The following ACSBG1 variants were observed in gnomAD, a reference collection of about 807,000 sequenced individuals.
The protein encoded by ACSBG1 is long-chain-fatty-acid--CoA ligase ACSBG1.
Under a neutral mutation model 80.2 loss-of-function variants are expected in ACSBG1, and 39 were observed. The ratio of observed to expected loss-of-function variants is 0.49; its 90% CI spans 0.38 to 0.64. The LOEUF is 0.64. Ranked by LOEUF, ACSBG1 falls within the 30% of genes least tolerant of loss-of-function variation. The probability of loss-of-function intolerance (pLI) is 0.00; values close to 1 mark genes in which losing one functional copy is unlikely to be tolerated. For missense variants in ACSBG1, 828 were observed against 966.4 expected (o/e 0.86, Z 1.90); for synonymous variants, 392 against 379.5 (o/e 1.03, Z -0.38).
chr15:78,174,811 A>C (rs2074866907), intron 11 of ACSBG1: 3 of 465,006 alleles, frequency 6.5e-6, no homozygotes, highest in Admixed American at 7.6e-5. Context: ...TGCCAGTCCC[A>C]GTTCCTGCCC....
intron 5 of ACSBG1, among the ~76,000 whole-genome samples, chr15:78,185,190 C>T (rs1328557955): frequency 1.3e-5 from 2 of 152,036 alleles, no homozygotes; most frequent in Admixed American, 6.6e-5. Context: ...CAGGAGAGAA[C>T]TATATAGAGA....
intron 8 of ACSBG1, among the ~76,000 whole-genome samples, chr15:78,181,422 C>T (rs768544486): frequency 5.9e-5 from 9 of 151,690 alleles, no homozygotes; most frequent in Non-Finnish European, 1.2e-4. Context: ...TGAGGATGCC[C>T]GTCCTTGATC....
At chr15:78,174,265 T>A (rs1034131692) in intron 12 of ACSBG1, 120 bp downstream of exon 12, 12 of 1,396,620 alleles carry the variant, frequency 8.6e-6, no homozygotes, top group Non-Finnish European at 1.2e-5. Context: ...CGGACTTGAG[T>A]CATTCCAGAA....
At chr15:78,231,052 CAATT>C (rs1174665199) in intron 1 of ACSBG1, among the ~76,000 whole-genome samples, 2 of 152,208 alleles carry the variant, frequency 1.3e-5, no homozygotes, top group African/African-American at 4.8e-5. Flanking sequence ...CTCCCGGGCT[CAATT>C]GATTTTCCCA....
rs1054774503 is a variant in ACSBG1 at position 78,215,064 on chromosome 15, C to T, written c.132-6962G>A. Among the ~76,000 whole-genome samples the T allele has an allele frequency of 2.0e-5, 3 of 152,032 alleles. No individual in the cohort carries two copies. The East Asian group carries it at 5.8e-4, about 29-fold the overall frequency. On this transcript the variant is annotated intron_variant, in intron 1 of 13. Coordinates refer to ENST00000258873, the MANE Select transcript of ACSBG1 (RefSeq NM_015162.5). ...TAGACCCCCATCAATGCACTTTGCA[C>T]CCCAATGCTCTCTTGCTGTTTTTTG...
At chr15:78,221,123 T>G (rs924401421) in intron 1 of ACSBG1, among the ~76,000 whole-genome samples, 1 of 151,998 alleles carries the variant, frequency 6.6e-6, no homozygotes, top group South Asian at 2.1e-4. Flanking sequence ...AGAAAAGAAA[T>G]AAGACACAGA....
chr15:78,217,925 AT>A lies in ACSBG1; in HGVS notation c.132-9824del, dbSNP rs565452781. Among the ~76,000 whole-genome samples, 301 of 152,228 alleles carry A rather than the reference AT, an allele frequency of 2.0e-3. 4 individuals carry two copies. The highest frequency in any genetic ancestry group is 6.9e-3 in the African/African-American group (286 of 41,534). On this transcript the variant is annotated intron_variant, in intron 1 of 13. Coordinates refer to ENST00000258873, the MANE Select transcript of ACSBG1 (RefSeq NM_015162.5). Reference sequence around the variant, plus strand: ...TAAATCGTAATCCAGGTGTTTTCATATGTTGTATTGATGACAGACACAGAGA... The same window carrying A: ...TAAATCGTAATCCAGGTGTTTTCATAGTTGTATTGATGACAGACACAGAGA...
intron 2 of ACSBG1, among the ~76,000 whole-genome samples, chr15:78,205,862 C>A (rs1279742794): frequency 6.6e-6 from 1 of 152,158 alleles, no homozygotes; most frequent in Non-Finnish European, 1.5e-5. Context: ...CTGTGCCAGC[C>A]CCAATCCCCC....
chr15:78,175,896 C>A (rs1417543517), intron 11 of ACSBG1, among the ~76,000 whole-genome samples: 3 of 152,042 alleles, frequency 2.0e-5, no homozygotes, highest in Non-Finnish European at 4.4e-5. Flanking sequence ...TCATTGCTAC[C>A]TCATTCCTGC....
At chr15:78,196,043 T>C (rs2075111221) in intron 2 of ACSBG1, among the ~76,000 whole-genome samples, 1 of 152,178 alleles carries the variant, frequency 6.6e-6, no homozygotes, top group South Asian at 2.1e-4. Flanking sequence ...GACAAGGACA[T>C]ATCCAGACCC....
At chr15:78,198,950 C>T (rs1218969135) in intron 2 of ACSBG1, among the ~76,000 whole-genome samples, 1 of 152,122 alleles carries the variant, frequency 6.6e-6, no homozygotes, top group Admixed American at 6.5e-5. Flanking sequence ...TGAAGTGGCC[C>T]AGGATTTGCA....
intron 5 of ACSBG1, among the ~76,000 whole-genome samples, chr15:78,191,166 A>C (rs2075053685): frequency 1.3e-5 from 2 of 152,242 alleles, no homozygotes; most frequent in African/African-American, 4.8e-5. Context: ...AGGGATAAGG[A>C]GGAACATTTC....
At chr15:78,184,233 G>C (rs1178647762) in intron 5 of ACSBG1, among the ~76,000 whole-genome samples, 1 of 152,138 alleles carries the variant, frequency 6.6e-6, no homozygotes, top group Non-Finnish European at 1.5e-5. Context: ...TTGCTCTATG[G>C]TATGATCATG....
At chr15:78,189,293 C>T (rs1277692608) in intron 5 of ACSBG1, among the ~76,000 whole-genome samples, 1 of 150,708 alleles carries the variant, frequency 6.6e-6, no homozygotes, top group East Asian at 1.9e-4. Flanking sequence ...ACTAGAAATA[C>T]CATTTGACCC....
intron 1 of ACSBG1, among the ~76,000 whole-genome samples, chr15:78,223,947 G>A (rs2075379325): frequency 6.6e-6 from 1 of 152,184 alleles, no homozygotes; most frequent in African/African-American, 2.4e-5. Flanking sequence ...GAATGCTGGA[G>A]CACCAGGAGC....
At chr15:78,224,675 C>T (rs974857964) in intron 1 of ACSBG1, among the ~76,000 whole-genome samples, 11 of 151,966 alleles carry the variant, frequency 7.2e-5, no homozygotes, top group Admixed American at 3.3e-4. Context: ...GAGCCGAGAT[C>T]GCGCCACTGC....
chr15:78,205,523 G>A (rs2141364190), intron 2 of ACSBG1, among the ~76,000 whole-genome samples: 1 of 152,254 alleles, frequency 6.6e-6, no homozygotes, highest in South Asian at 2.1e-4. Flanking sequence ...GAGGCAGTGT[G>A]GCCAGTTAAG....
intron 5 of ACSBG1, among the ~76,000 whole-genome samples, chr15:78,187,441 C>T (rs1219303677): frequency 6.6e-6 from 1 of 152,122 alleles, no homozygotes; most frequent in African/African-American, 2.4e-5. Context: ...TACTGGCAAA[C>T]CAAATCCAGC....
At chr15:78,176,465 A>G (rs2074883718) in intron 11 of ACSBG1, among the ~76,000 whole-genome samples, 1 of 152,216 alleles carries the variant, frequency 6.6e-6, no homozygotes, top group Non-Finnish European at 1.5e-5. Context: ...CAAAGCCAAT[A>G]TGCAAAAAGC....
Sources: allele counts gnomAD v4.1 joint callset (sites outside exome capture counted in the v4.1 genomes callset), GRCh38; gene constraint gnomAD v4.1.1; transcripts MANE v1.5; gene names NCBI Gene and HGNC (gene_info 2026-07-23, HGNC 2026-07-21).